ADAMTSL3: variants seen among roughly 807,000 people sequenced by gnomAD.
ADAMTSL3 encodes the protein ADAMTS-like protein 3.
In ADAMTSL3, 128 loss-of-function variants were observed where a neutral mutation model predicts 201.7. The ratio of observed to expected loss-of-function variants is 0.63; its 90% confidence interval spans 0.55 to 0.73. The LOEUF is 0.73. Among genes scored for constraint, ADAMTSL3 ranks in the 30% least tolerant of loss-of-function variants. The probability of loss-of-function intolerance (pLI) is 0.00; values close to 1 mark genes in which losing one functional copy is unlikely to be tolerated. For missense variants in ADAMTSL3, 1,990 were observed against 2,119.6 expected (o/e 0.94, Z 1.20); for synonymous variants, 738 against 748.4 (o/e 0.99, Z 0.23).
At chr15:84,024,916 C>G (rs553529311) in intron 26 of ADAMTSL3, among the ~76,000 whole-genome samples, 2 of 152,186 alleles carry the variant, frequency 1.3e-5, no homozygotes, top group Non-Finnish European at 2.9e-5. Flanking sequence ...GTGAGTTGAA[C>G]TCCACCTTTT....
At chr15:83,659,067 C>T (rs2061130116) in intron 2 of ADAMTSL3, among the ~76,000 whole-genome samples, 1 of 152,164 alleles carries the variant, frequency 6.6e-6, no homozygotes, top group African/African-American at 2.4e-5. Flanking sequence ...CCGTGTTTGC[C>T]CCTCGGGAGG....
rs550361478 is a variant in ADAMTSL3, at chr15:83,949,402, T to C, written c.2490+6320T>C. ...ATATGTACCACCTTTTCTTTATCCA[T>C]TAGTCTGCTGACGGACACTTAGGTT... On this transcript the variant is annotated intron_variant, in intron 19 of 29. Transcript: ENST00000286744. Among the ~76,000 whole-genome samples, 6 of 152,314 alleles carry C rather than the reference T, an allele frequency of 3.9e-5. No individual in the cohort carries two copies. In the East Asian group the frequency reaches 9.6e-4, roughly 24 times the overall value.
intron 28 of ADAMTSL3, among the ~76,000 whole-genome samples, chr15:84,032,883 G>T (rs528568798): frequency 6.6e-6 from 1 of 152,084 alleles, no homozygotes; most frequent in African/African-American, 2.4e-5. Flanking sequence ...GAATTGGTAG[G>T]AATGCTCATT....
intron 6 of ADAMTSL3, among the ~76,000 whole-genome samples, chr15:83,824,346 C>G (rs75745851): frequency 0.11 from 16,598 of 152,052 alleles, 1,158 homozygotes; most frequent in South Asian, 0.24. Context: ...ATTTTAGATT[C>G]ACAACAAAAT....
chr15:83,874,021 C>T (rs2065131633), intron 9 of ADAMTSL3, among the ~76,000 whole-genome samples: 1 of 145,506 alleles, frequency 6.9e-6, no homozygotes, highest in Non-Finnish European at 1.5e-5. Context: ...GGGGTCCTAA[C>T]CCATAGCACA....
At chr15:83,739,285 TA>T (rs2062417071) in intron 3 of ADAMTSL3, among the ~76,000 whole-genome samples, 1 of 151,306 alleles carries the variant, frequency 6.6e-6, no homozygotes, top group South Asian at 2.1e-4. Context: ...ATTAGAAAAA[TA>T]GAATTTAGGG....
At chr15:83,986,412 G>A (rs2067476242) in intron 21 of ADAMTSL3, among the ~76,000 whole-genome samples, 2 of 152,114 alleles carry the variant, frequency 1.3e-5, no homozygotes, top group Admixed American at 6.5e-5. Context: ...CCTGGAGCTT[G>A]TATAAAGAAG....
At position 84,021,400 on chromosome 15, in the gene ADAMTSL3, C is replaced by T; in HGVS notation, c.4274-10C>T. The T allele has an allele frequency of 1.2e-6, 2 of 1,613,788 alleles. No homozygotes were observed. The highest frequency in any genetic ancestry group is 1.7e-6 in the Non-Finnish European group (2 of 1,179,808). ...TGGGGCTGGCATGATATTTTGTTTTCTTTCTGCAGAGCCTTTTTGGGAGCC... is the reference window on the plus strand; with the variant it reads ...TGGGGCTGGCATGATATTTTGTTTTTTTTCTGCAGAGCCTTTTTGGGAGCC... On this transcript the variant is annotated splice_polypyrimidine_tract_variant and intron_variant, in intron 25 of 29. Transcript: ENST00000286744.
chr15:83,694,431 A>G (rs1175619350), intron 2 of ADAMTSL3: 2 of 152,168 alleles, frequency 1.3e-5, no homozygotes, highest in East Asian at 1.9e-4. Flanking sequence ...TTTCTCTAGC[A>G]ATGGAGCCCT....
chr15:83,808,012 A>G (rs190361911), intron 5 of ADAMTSL3, among the ~76,000 whole-genome samples: 1 of 152,360 alleles, frequency 6.6e-6, no homozygotes, highest in East Asian at 1.9e-4. Flanking sequence ...ACTTAAATGT[A>G]AGACTTGAAA....
In ADAMTSL3 at chr15:83,868,185, A is replaced by G. The variant is rs962522088; in HGVS notation, c.803-2617A>G. ...ACACACTAACCACCTTGCTGCGGAA[A>G]CCACAGAGGGTCAGTGAAACCTCTG... On this transcript the variant is annotated intron_variant, in intron 8 of 29. Coordinates refer to ENST00000286744, the MANE Select transcript of ADAMTSL3 (RefSeq NM_207517.3). 9.9e-5 allele frequency among the ~76,000 whole-genome samples: 15 copies of G among 152,172 alleles called. No individual in the cohort carries two copies. The East Asian group carries it at 2.9e-3, about 29-fold the overall frequency.
chr15:84,003,931 TGAG>T (rs2067845891), intron 23 of ADAMTSL3, among the ~76,000 whole-genome samples: 1 of 152,138 alleles, frequency 6.6e-6, no homozygotes, highest in African/African-American at 2.4e-5. Context: ...GGGTGGGGAC[TGAG>T]GGAAAGGGAA....
Position 83,988,795 on chromosome 15 carries a change from A to G in ADAMTSL3, c.3821A>G (p.Glu1274Gly). The G allele has an allele frequency of 6.2e-7, 1 of 1,603,576 alleles. No homozygotes were observed. The highest frequency in any genetic ancestry group is 8.5e-7 in the Non-Finnish European group (1 of 1,173,866). The change falls in exon 22 of 30, where the codon GAA becomes GGA. Residue 1274 changes from glutamate (E) to glycine (G), a missense_variant. Physicochemically the swap from Glu to Gly is moderately conservative, Grantham distance 98. Coordinates refer to ENST00000286744, the MANE Select transcript of ADAMTSL3 (RefSeq NM_207517.3). ...GCTAATCATCTTGGTTCAGATGTGG[A>G]AAGTTCTTCTGTGCTGTATGCAGGT... ...SVANHLGSDV[E>G]SSSVLYAEAP... is the part of the protein sequence containing the mutation.
intron 20 of ADAMTSL3, among the ~76,000 whole-genome samples, chr15:83,974,899 A>G (rs2067256116): frequency 2.0e-5 from 3 of 152,046 alleles, no homozygotes; most frequent in Non-Finnish European, 4.4e-5. Context: ...TTGAAATGTC[A>G]AGAAAAATAT....
At chr15:84,033,077 A>AT (rs1400110251) in intron 28 of ADAMTSL3, among the ~76,000 whole-genome samples, 2 of 151,744 alleles carry the variant, frequency 1.3e-5, no homozygotes, top group Middle Eastern at 3.4e-3. Flanking sequence ...TATTCCTTAT[A>AT]TTTTTTTTCT....
In ADAMTSL3 at chr15:83,942,597, T is replaced by C. The variant is rs1278900431; in HGVS notation, c.2119T>C (p.Trp707Arg). 2.5e-6 allele frequency: 4 copies of C among 1,611,116 alleles called. No homozygotes were observed. The highest frequency in any genetic ancestry group is 3.4e-6 in the Non-Finnish European group (4 of 1,178,918). ...ACNTEPCPPR[W>R]HVGSWGPCSA... ...TTCCCCACTTGTTTTCTGTTTTAGGTGGCATGTGGGCTCTTGGGGGCCCTG... is the reference window on the plus strand; with the variant it reads ...TTCCCCACTTGTTTTCTGTTTTAGGCGGCATGTGGGCTCTTGGGGGCCCTG... Residue 707 changes from tryptophan to arginine, a missense_variant and splice_region_variant, in exon 18 of 30, where the codon TGG becomes CGG. Physicochemically the swap from Trp to Arg is moderately radical, Grantham distance 101. Transcript: ENST00000286744.
intron 3 of ADAMTSL3, among the ~76,000 whole-genome samples, chr15:83,762,112 G>C (rs931741310): frequency 6.6e-6 from 1 of 151,704 alleles, no homozygotes; most frequent in African/African-American, 2.4e-5. Context: ...GTGCGGTGGC[G>C]TGATCTCAGC....
At chr15:83,866,859 A>G (rs2064990283) in intron 8 of ADAMTSL3, among the ~76,000 whole-genome samples, 1 of 152,156 alleles carries the variant, frequency 6.6e-6, no homozygotes, top group African/African-American at 2.4e-5. Flanking sequence ...CAAGACTGGC[A>G]CTCGTCCAAG....
chr15:83,854,998 A>G (rs982840231), intron 7 of ADAMTSL3, among the ~76,000 whole-genome samples: 4 of 151,986 alleles, frequency 2.6e-5, no homozygotes, highest in Non-Finnish European at 5.9e-5. Flanking sequence ...CTGGTTTTTC[A>G]TGGAGAGTTG....
Sources: allele counts gnomAD v4.1 joint callset (sites outside exome capture counted in the v4.1 genomes callset), GRCh38; gene constraint gnomAD v4.1.1; transcripts MANE v1.5; gene names NCBI Gene and HGNC (gene_info 2026-07-23, HGNC 2026-07-21).